The following TRIQK variants were observed in gnomAD, a reference collection of about 807,000 sequenced individuals.
TRIQK encodes the protein triple QxxK/R motif containing, also known as triple QxxK/R motif-containing protein.
Under a neutral mutation model 10.8 loss-of-function variants are expected in TRIQK, and 10 were observed. The ratio of observed to expected loss-of-function variants is 0.92; its 90% CI spans 0.57 to 1.57. The LOEUF (loss-of-function observed/expected upper bound fraction) is 1.57, where lower values mean the gene tolerates loss of function less well. Among genes scored for constraint, TRIQK ranks in the 40% most tolerant of loss-of-function variants. The probability of loss-of-function intolerance (pLI) is 0.00; values close to 1 mark genes in which losing one functional copy is unlikely to be tolerated. For synonymous variants in TRIQK, 33 were observed against 33.7 expected (o/e 0.98, Z 0.07); for missense variants, 107 against 97.7 (o/e 1.09, Z -0.40).
At chr8:92,920,400 T>C (rs1402197021) in intron 2 of TRIQK, among the ~76,000 whole-genome samples, 5 of 151,168 alleles carry the variant, frequency 3.3e-5, no homozygotes, top group Non-Finnish European at 7.4e-5. Context: ...AGCAAAAATA[T>C]AGAGAATAGA....
chr8:92,921,885 T>C (rs1006802910), intron 2 of TRIQK, among the ~76,000 whole-genome samples: 2 of 151,846 alleles, frequency 1.3e-5, no homozygotes, highest in African/African-American at 2.4e-5. Flanking sequence ...TGTTTATCTA[T>C]ATATATTGTC....
At chr8:93,016,472 T>C (rs1559731) in intron 1 of TRIQK, among the ~76,000 whole-genome samples, 20,231 of 152,250 alleles carry the variant, frequency 0.13, 1,356 homozygotes, top group South Asian at 0.16. Context: ...CTATCAACAA[T>C]GGAGCAAAGT....
intron 1 of TRIQK, among the ~76,000 whole-genome samples, chr8:92,992,711 C>G (rs1444565190): frequency 1.3e-5 from 2 of 152,108 alleles, no homozygotes; most frequent in African/African-American, 4.8e-5. Context: ...TATTGCGAGA[C>G]CATGAAGACA....
At chr8:92,995,699 C>G (rs1049567890) in intron 1 of TRIQK, among the ~76,000 whole-genome samples, 1 of 151,950 alleles carries the variant, frequency 6.6e-6, no homozygotes, top group Non-Finnish European at 1.5e-5. Flanking sequence ...TCCAGAAAGT[C>G]AAACATATGT....
chr8:92,902,804 TTC>T (rs1399456162), intron 3 of TRIQK, among the ~76,000 whole-genome samples: 1 of 152,066 alleles, frequency 6.6e-6, no homozygotes, highest in Non-Finnish European at 1.5e-5. Flanking sequence ...ACTTTTTTGT[TTC>T]TCTTTGTTCC....
intron 2 of TRIQK, among the ~76,000 whole-genome samples, chr8:92,945,903 TCTTAA>T (rs1451994932): frequency 6.6e-6 from 1 of 151,832 alleles, no homozygotes; most frequent in East Asian, 1.9e-4. Context: ...AAAATATATA[TCTTAA>T]CTTAAATAAT....
intron 1 of TRIQK, among the ~76,000 whole-genome samples, chr8:92,999,097 A>G (rs1213648126): frequency 6.6e-6 from 1 of 152,160 alleles, no homozygotes; most frequent in Non-Finnish European, 1.5e-5. Context: ...TAGAATATAC[A>G]GTGAAGAACA....
chr8:92,891,243 G>T (rs1210922818), intron 4 of TRIQK, among the ~76,000 whole-genome samples: 1 of 151,750 alleles, frequency 6.6e-6, no homozygotes, highest in Admixed American at 6.6e-5. Flanking sequence ...TTTTTCATCT[G>T]CCAGATAAAA....
intron 3 of TRIQK, among the ~76,000 whole-genome samples, chr8:92,895,393 G>C (rs540001736): frequency 6.6e-6 from 1 of 152,302 alleles, no homozygotes; most frequent in South Asian, 2.1e-4. Context: ...ATGTGGAAGT[G>C]GCTTTGGAAA....
chr8:92,917,442 T>C (rs541457881), intron 2 of TRIQK, among the ~76,000 whole-genome samples: 1 of 152,200 alleles, frequency 6.6e-6, no homozygotes, highest in East Asian at 1.9e-4. Context: ...AAGTATTTTG[T>C]ATTTTATTTT....
At chr8:92,923,082 A>G (rs1183824173) in intron 2 of TRIQK, among the ~76,000 whole-genome samples, 3 of 151,798 alleles carry the variant, frequency 2.0e-5, no homozygotes, top group Non-Finnish European at 4.4e-5. Context: ...AAACACATTG[A>G]GGCTATTTTA....
At chr8:92,905,331 A>G (rs1164787146) in intron 3 of TRIQK, among the ~76,000 whole-genome samples, 1 of 152,202 alleles carries the variant, frequency 6.6e-6, no homozygotes, top group African/African-American at 2.4e-5. Flanking sequence ...ATTTTATAAC[A>G]ATATATACAA....
intron 3 of TRIQK, among the ~76,000 whole-genome samples, chr8:92,909,469 T>G (rs1809456245): frequency 6.6e-6 from 1 of 151,854 alleles, no homozygotes; most frequent in African/African-American, 2.4e-5. Context: ...GGCTGGTAAA[T>G]TCATCATTGA....
intron 1 of TRIQK, among the ~76,000 whole-genome samples, chr8:92,998,083 A>T (rs2130754662): frequency 6.6e-6 from 1 of 152,064 alleles, no homozygotes; most frequent in South Asian, 2.1e-4. Context: ...ATACAAATGA[A>T]AACAGTATAA....
At chr8:93,017,110 GGAGAGAGAGAGAGAGAGAGAGAGA>G (rs3062508) in intron 1 of TRIQK, among the ~76,000 whole-genome samples, 12,696 of 93,384 alleles carry the variant, frequency 0.14, 1,553 homozygotes, top group African/African-American at 0.35. Flanking sequence ...ATATATACTT[GGAGAGAGAGAGAGAGAGAGAGAGA>G]GAGAGAGAGA....
chr8:92,958,671 A>C (rs1340633986), intron 1 of TRIQK, among the ~76,000 whole-genome samples: 1 of 152,066 alleles, frequency 6.6e-6, no homozygotes, highest in Non-Finnish European at 1.5e-5. Flanking sequence ...GGGTAAGTCA[A>C]ACACTGAAGG....
intron 3 of TRIQK, among the ~76,000 whole-genome samples, chr8:92,903,636 T>C (rs1809077425): frequency 6.6e-6 from 1 of 152,128 alleles, no homozygotes; most frequent in Non-Finnish European, 1.5e-5. Flanking sequence ...TCTTTTCTCA[T>C]GTTGTGATCA....
At chr8:92,958,688 A>G (rs1812296489) in intron 1 of TRIQK, among the ~76,000 whole-genome samples, 1 of 152,056 alleles carries the variant, frequency 6.6e-6, no homozygotes, top group Non-Finnish European at 1.5e-5. Context: ...AAGGGCAAAA[A>G]TTGAATAAAT....
chr8:92,970,881 C>A (rs1812867894), upstream of TRIQK, among the ~76,000 whole-genome samples: 1 of 152,038 alleles, frequency 6.6e-6, no homozygotes. Flanking sequence ...ATGTCTATGT[C>A]CTGAATGGTA....
Sources: allele counts gnomAD v4.1 joint callset (sites outside exome capture counted in the v4.1 genomes callset), GRCh38; gene constraint gnomAD v4.1.1; transcripts MANE v1.5; gene names NCBI Gene and HGNC (gene_info 2026-07-23, HGNC 2026-07-21).